The following CFAP91 variants were observed in gnomAD, a reference collection of about 807,000 sequenced individuals.
The protein encoded by CFAP91 is cilia and flagella associated protein 91, also known as cilia- and flagella-associated protein 91.
Under a neutral mutation model 95.9 loss-of-function variants are expected in CFAP91, and 85 were observed. That is an observed-to-expected ratio of 0.89 (90% CI 0.74 to 1.06). CFAP91 has a LOEUF of 1.06. CFAP91 is among the 50% of genes least tolerant of loss of function. The probability of loss-of-function intolerance (pLI) is 0.00; values close to 1 mark genes in which losing one functional copy is unlikely to be tolerated. For synonymous variants in CFAP91, 335 were observed against 327.5 expected (o/e 1.02, Z -0.25); for missense variants, 962 against 943.4 (o/e 1.02, Z -0.26).
intron 16 of CFAP91, 150 bp from the exon 17 acceptor site, chr3:119,750,787 G>T: frequency 1.3e-6 from 1 of 794,368 alleles, no homozygotes; most frequent in Non-Finnish European, 2.1e-6. Context: ...GAACCAGAGA[G>T]TGGGAACAGA....
intron 1 of CFAP91, 122 bp downstream of exon 1, chr3:119,703,344 C>T (rs2053294455): frequency 6.8e-7 from 1 of 1,460,900 alleles, no homozygotes; most frequent in Non-Finnish European, 9.2e-7. Flanking sequence ...TGACCTCTTG[C>T]CCACGGTTGT....
intron 5 of CFAP91, among the ~76,000 whole-genome samples, chr3:119,712,475 G>T (rs868570940): frequency 6.6e-6 from 1 of 152,094 alleles, no homozygotes; most frequent in South Asian, 2.1e-4. Context: ...TCAAGATAAT[G>T]GTGCAGTAAT....
In CFAP91 at chr3:119,717,064, C is replaced by A. The variant is rs141572249; in HGVS notation, c.682+1321C>A. Among the ~76,000 whole-genome samples, 1,133 of 152,294 alleles carry A rather than the reference C, an allele frequency of 7.4e-3. 13 individuals carry two copies. The highest frequency in any genetic ancestry group is 0.02 in the Middle Eastern group (6 of 294). On this transcript the variant is annotated intron_variant, in intron 6 of 17. Coordinates refer to ENST00000273390, the MANE Select transcript of CFAP91 (RefSeq NM_033364.4). The stretch of plus-strand genomic sequence containing the variant: ...AATATTCGTAATGTAGAAATGGAGA[C>A]TTTTTCCTAAGAAAGAAGTAGCTGG...
At chr3:119,758,390 G>A (rs1040951881) in intron 17 of CFAP91, among the ~76,000 whole-genome samples, 2 of 152,148 alleles carry the variant, frequency 1.3e-5, no homozygotes, top group African/African-American at 4.8e-5. Context: ...CCCAAATAAT[G>A]TATTTCCTAT....
chr3:119,763,698 C>G (rs919304546), intron 17 of CFAP91, among the ~76,000 whole-genome samples: 3 of 151,926 alleles, frequency 2.0e-5, no homozygotes, highest in African/African-American at 7.3e-5. Context: ...TGAAATAAGC[C>G]AGGCACAGAA....
intron 14 of CFAP91, among the ~76,000 whole-genome samples, chr3:119,746,353 C>T (rs1364231784): frequency 6.6e-6 from 1 of 152,196 alleles, no homozygotes; most frequent in Non-Finnish European, 1.5e-5. Flanking sequence ...TTGCAATGCA[C>T]TTTTAAAATC....
intron 17 of CFAP91, among the ~76,000 whole-genome samples, chr3:119,759,898 A>T (rs1255745884): frequency 6.6e-6 from 1 of 151,882 alleles, no homozygotes; most frequent in Non-Finnish European, 1.5e-5. Context: ...GGTGAAGAGT[A>T]AGAAATCAAG....
intron 6 of CFAP91, among the ~76,000 whole-genome samples, chr3:119,723,702 AAGTAT>A (rs1252972471): frequency 1.3e-5 from 2 of 152,216 alleles, no homozygotes; most frequent in South Asian, 2.1e-4. Context: ...ACTAGACAGG[AAGTAT>A]AGTATAGTGC....
intron 6 of CFAP91, among the ~76,000 whole-genome samples, chr3:119,721,997 A>G (rs908691275): frequency 6.6e-6 from 1 of 151,936 alleles, no homozygotes; most frequent in East Asian, 1.9e-4. Flanking sequence ...ACAACATAGT[A>G]AGACCTCCAT....
intron 1 of CFAP91, among the ~76,000 whole-genome samples, chr3:119,704,779 G>T (rs2053327136): frequency 6.6e-6 from 1 of 152,142 alleles, no homozygotes. Flanking sequence ...TTATAATGAA[G>T]TTGAAAAACT....
At chr3:119,750,646 A>G (rs1399890101) in intron 16 of CFAP91, 14 of 426,996 alleles carry the variant, frequency 3.3e-5, no homozygotes, top group Admixed American at 3.0e-4. Flanking sequence ...GGGCTGATGT[A>G]GTCAGAGGAG....
chr3:119,725,936 C>G (rs1223663931), intron 6 of CFAP91, among the ~76,000 whole-genome samples: 2 of 152,156 alleles, frequency 1.3e-5, no homozygotes, highest in Non-Finnish European at 2.9e-5. Flanking sequence ...CAAATGCATT[C>G]CAGCATTCTA....
chr3:119,726,183 C>T lies in CFAP91; in HGVS notation c.695C>T (p.Pro232Leu), dbSNP rs1294639557. 6 of 1,610,368 alleles carry T rather than the reference C, an allele frequency of 3.7e-6. No individual in the cohort carries two copies. Among genetic ancestry groups the T allele is most frequent in the Non-Finnish European group, 5.1e-6 (6 of 1,178,620 alleles). ...CTTTATCCTGCAGGTCGGGGTCTCCCAGCAGGACAAGCTGAGGTGGAGATG... is the reference window on the plus strand; with the variant it reads ...CTTTATCCTGCAGGTCGGGGTCTCCTAGCAGGACAAGCTGAGGTGGAGATG... The part of the protein sequence containing the change: ...LATLTWGRGL[P>L]AGQAEVEMIE... Residue 232 changes from proline (P) to leucine (L), a missense_variant, in exon 7 of 18, where the codon CCA becomes CTA. Pro to Leu is a moderately conservative substitution (Grantham distance 98, BLOSUM62 -3). Transcript: ENST00000273390.
rs1214081654 is a variant in CFAP91, at chr3:119,709,829, T to A, written c.444-10T>A. 1 of 1,607,120 alleles carries A rather than the reference T, an allele frequency of 6.2e-7. No individual in the cohort carries two copies. Among genetic ancestry groups the A allele is most frequent in the South Asian group, 1.1e-5 (1 of 90,880 alleles). ...AGTCCCACACATTTATGTTTTCTTT[T>A]TCCTCCCAGGCCTTTTCTCCCATTT... On this transcript the variant is annotated splice_polypyrimidine_tract_variant and intron_variant, in intron 4 of 17. Coordinates refer to ENST00000273390, the MANE Select transcript of CFAP91 (RefSeq NM_033364.4).
intron 7 of CFAP91, among the ~76,000 whole-genome samples, chr3:119,727,728 TG>T (rs1285781369): frequency 1.3e-5 from 2 of 152,176 alleles, no homozygotes; most frequent in East Asian, 3.9e-4. Context: ...AAAAAGTGCT[TG>T]GTGGAACCCA....
In CFAP91 at chr3:119,707,567, T is replaced by C. The variant is rs2053390837; in HGVS notation, c.359+6T>C. On this transcript the variant is annotated splice_donor_region_variant and intron_variant, in intron 3 of 17. Coordinates refer to ENST00000273390, the MANE Select transcript of CFAP91 (RefSeq NM_033364.4). Reference sequence around the variant, plus strand: ...GCCCTCCGGCAGCTCACCACGTAAGTGTCGGGTGGCTCCAGGGCCTAAAAT... The same window carrying C: ...GCCCTCCGGCAGCTCACCACGTAAGCGTCGGGTGGCTCCAGGGCCTAAAAT... 1 of 1,551,866 alleles carries C rather than the reference T, an allele frequency of 6.4e-7. No homozygotes were observed. Among genetic ancestry groups the C allele is most frequent in the South Asian group, 1.2e-5 (1 of 82,120 alleles).
intron 13 of CFAP91, 46 bp from the exon 14 acceptor site, chr3:119,743,929 C>T: frequency 6.7e-7 from 1 of 1,494,106 alleles, no homozygotes. Flanking sequence ...ATAATCACCA[C>T]TCATAATGGA....
intron 17 of CFAP91, among the ~76,000 whole-genome samples, chr3:119,754,153 G>A (rs1373777094): frequency 1.3e-5 from 2 of 152,200 alleles, no homozygotes; most frequent in South Asian, 2.1e-4. Flanking sequence ...GAGTTGTCAG[G>A]TGGAAATATG....
Position 119,744,152 on chromosome 3 carries a change from G to A in CFAP91, c.1858G>A (p.Val620Met), listed in dbSNP as rs776933093. Residue 620 changes from valine to methionine, a missense_variant, in exon 14 of 18, where the codon GTG (valine) becomes ATG (methionine). Transcript: ENST00000273390. ...GGCTGAAGAGAGTGGTCGGCGCCAG[G>A]TGGAAAAACAGCGCCTGCGGGAGGA... is the stretch of plus-strand genomic sequence containing the variant. The part of the protein sequence containing the change: ...REAEESGRRQ[V>M]EKQRLREEDE... 1 of 1,613,890 alleles carries A rather than the reference G, an allele frequency of 6.2e-7. No homozygotes were observed. The highest frequency in any genetic ancestry group is 8.5e-7 in the Non-Finnish European group (1 of 1,179,870).
Sources: allele counts gnomAD v4.1 joint callset (sites outside exome capture counted in the v4.1 genomes callset), GRCh38; gene constraint gnomAD v4.1.1; transcripts MANE v1.5; gene names NCBI Gene and HGNC (gene_info 2026-07-23, HGNC 2026-07-21).